CACNA1C: variants seen among roughly 807,000 people sequenced by gnomAD.
CACNA1C encodes the protein voltage-dependent L-type calcium channel subunit alpha-1C.
Under a neutral mutation model 229.0 loss-of-function variants are expected in CACNA1C, and 30 were observed. That is an observed-to-expected ratio of 0.13 (90% CI 0.10 to 0.18). The LOEUF (loss-of-function observed/expected upper bound fraction) is 0.18, where lower values mean the gene tolerates loss of function less well. CACNA1C is among the 10% of genes least tolerant of loss of function. The pLI, the probability that CACNA1C is intolerant of heterozygous loss-of-function variation, is 1.00. For synonymous variants in CACNA1C, 1,114 were observed against 1,132.5 expected (o/e 0.98, Z 0.33); for missense variants, 1,658 against 2,845.0 (o/e 0.58, Z 9.49).
At chr12:2,102,231 G>C (rs1351182433) in intron 1 of CACNA1C, among the ~76,000 whole-genome samples, 1 of 152,152 alleles carries the variant, frequency 6.6e-6, no homozygotes, top group African/African-American at 2.4e-5. Context: ...ACCTTTGAAG[G>C]CCAAATTAAA....
intron 3 of CACNA1C, among the ~76,000 whole-genome samples, chr12:2,315,526 A>G (rs1435742921): frequency 6.6e-6 from 1 of 152,162 alleles, no homozygotes; most frequent in African/African-American, 2.4e-5. Context: ...AATGGGCTCT[A>G]GCAGGCCTTT....
Position 1,996,652 on chromosome 12 carries a change from AAAACAAC to A in CACNA1C, c.139+25456_139+25462del, listed in dbSNP as rs1206644038. Among the ~76,000 whole-genome samples the A allele has an allele frequency of 4.4e-3, 171 of 38,920 alleles. 21 individuals carry two copies. The highest frequency in any genetic ancestry group is 0.026 in the African/African-American group (167 of 6,360). The allele number at this position is 38,920 out of a possible 152,430, so 25.5% of individuals were successfully genotyped here. A position where few individuals can be genotyped will look rare whatever the true frequency, so the allele number is the denominator to read the frequency against. ...AAAAAAAAAAAAAAAAAAAAAAAAA[AAAACAAC>A]AAACTCTTCTAATGTTTTAAAGAAG... On this transcript the variant is annotated intron_variant, in intron 1 of 46. Transcript: ENST00000682462.
rs148406271 is a variant in CACNA1C at position 2,468,962 on chromosome 12, C to T, written c.757+11256C>T. 2.1e-4 allele frequency among the ~76,000 whole-genome samples: 32 copies of T among 152,332 alleles called. No individual in the cohort carries two copies. In the East Asian group the frequency reaches 5.8e-3, roughly 28 times the overall value. On this transcript the variant is annotated intron_variant, in intron 5 of 46. Transcript: ENST00000399655. ...CTCTGAATCATGCGTAATTTTCAGT[C>T]AGCTGACTTCTTGAGCACCCTCTTG...
intron 3 of CACNA1C, among the ~76,000 whole-genome samples, chr12:2,269,216 G>T (rs1385343756): frequency 6.6e-6 from 1 of 152,200 alleles, no homozygotes; most frequent in Non-Finnish European, 1.5e-5. Flanking sequence ...GTCCGGGAGG[G>T]AATGCTCATT....
At position 2,057,749 on chromosome 12, in the gene CACNA1C, C is replaced by G. The variant is rs2055765782; in HGVS notation, c.49+4138C>G. On this transcript the variant is annotated intron_variant, in intron 1 of 46. Transcript: ENST00000399655. Reference sequence around the variant, plus strand: ...TGGAGGAAGCCTTTTGGGTGAATCGCTGAACTTGGTATGGCCAGATGTTAA... The same window carrying G: ...TGGAGGAAGCCTTTTGGGTGAATCGGTGAACTTGGTATGGCCAGATGTTAA... 3.3e-5 allele frequency among the ~76,000 whole-genome samples: 5 copies of G among 152,182 alleles called. 1 individual carries two copies. The South Asian group carries it at 1.0e-3, about 32-fold the overall frequency.
At chr12:2,280,242 C>T (rs1408429355) in intron 3 of CACNA1C, among the ~76,000 whole-genome samples, 187 of 89,214 alleles carry the variant, frequency 2.1e-3, no homozygotes, top group African/African-American at 4.9e-3. Flanking sequence ...CTCTTGAGAC[C>T]TTGCTGTGCT....
chr12:2,482,795 C>A (rs1023537700), intron 5 of CACNA1C, among the ~76,000 whole-genome samples: 7 of 152,160 alleles, frequency 4.6e-5, no homozygotes, highest in African/African-American at 1.7e-4. Flanking sequence ...CTAAGTCTTT[C>A]CCGGACACTT....
chr12:2,444,531 G>A (rs778091520), intron 3 of CACNA1C, among the ~76,000 whole-genome samples: 5 of 152,094 alleles, frequency 3.3e-5, no homozygotes, highest in Middle Eastern at 3.4e-3. Context: ...CACTCTCCTC[G>A]TTCAGCCGTC....
intron 3 of CACNA1C, among the ~76,000 whole-genome samples, chr12:2,142,339 C>CGT (rs2094315192): frequency 6.6e-6 from 1 of 150,944 alleles, no homozygotes; most frequent in Non-Finnish European, 1.5e-5. Flanking sequence ...TCATTACTTA[C>CGT]GTGTGTGTGG....
At chr12:2,095,273 A>G (rs1030691154) in intron 1 of CACNA1C, among the ~76,000 whole-genome samples, 2 of 152,182 alleles carry the variant, frequency 1.3e-5, no homozygotes, top group Non-Finnish European at 2.9e-5. Flanking sequence ...AAGCAGGTCC[A>G]ATTTGTCTTA....
chr12:2,183,173 C>T (rs1395535702), intron 3 of CACNA1C, among the ~76,000 whole-genome samples: 4 of 152,036 alleles, frequency 2.6e-5, no homozygotes, highest in Non-Finnish European at 5.9e-5. Context: ...ATGCCCAGCC[C>T]CCTGACGTGA....
At position 2,318,989 on chromosome 12, in the gene CACNA1C, G is replaced by A. The variant is rs559651105; in HGVS notation, c.478-129987G>A. ...CCTCTAAATCCTCAGGAAAAGGACT[G>A]GGAAGCTCAGAGTTGAGCTCCTTTT... On this transcript the variant is annotated intron_variant, in intron 3 of 46. Transcript: ENST00000399655. Among the ~76,000 whole-genome samples, 125 of 152,144 alleles carry A rather than the reference G, an allele frequency of 8.2e-4. 1 individual carries two copies. Among genetic ancestry groups the A allele is most frequent in the African/African-American group, 2.9e-3 (120 of 41,500 alleles).
chr12:2,247,514 G>A (rs187177783), intron 3 of CACNA1C, among the ~76,000 whole-genome samples: 1 of 152,288 alleles, frequency 6.6e-6, no homozygotes, highest in Non-Finnish European at 1.5e-5. Context: ...GTTTAACACG[G>A]CAATGTGACT....
At chr12:2,047,712 C>A (rs1278490671) in intron 1 of CACNA1C, among the ~76,000 whole-genome samples, 1 of 152,162 alleles carries the variant, frequency 6.6e-6, no homozygotes, top group East Asian at 1.9e-4. Context: ...CAGCTTTGGT[C>A]AGGGAAGTGG....
Position 2,053,525 on chromosome 12 carries a change from T to C in CACNA1C, c.-38T>C, listed in dbSNP as rs760862611. On this transcript the variant is annotated 5_prime_UTR_variant, in exon 1 of 47. Transcript: ENST00000399655. This position sits in a 1 kb window ranked among gnomAD's most constrained non-coding sequence, Gnocchi z 5.8. The stretch of plus-strand genomic sequence containing the variant: ...GGGGGTGTTTTCACATTTCTTCCTC[T>C]TCGTGGCTGCTCCTCCTATTAAAAC... The C allele has an allele frequency of 3.2e-6, 5 of 1,566,408 alleles. No homozygotes were observed.
intron 3 of CACNA1C, among the ~76,000 whole-genome samples, chr12:2,444,146 G>T (rs905626272): frequency 6.6e-6 from 1 of 152,116 alleles, no homozygotes; most frequent in Non-Finnish European, 1.5e-5. Context: ...CATGTCTCTG[G>T]GGATAAGTGG....
At chr12:2,420,141 G>A (rs1012715999) in intron 3 of CACNA1C, among the ~76,000 whole-genome samples, 1 of 151,398 alleles carries the variant, frequency 6.6e-6, no homozygotes, top group African/African-American at 2.4e-5. Context: ...GTGTGTGTGT[G>A]TGTGTGTAGG....
intron 29 of CACNA1C, among the ~76,000 whole-genome samples, chr12:2,631,166 T>C (rs965540254): frequency 2.6e-5 from 4 of 152,182 alleles, no homozygotes; most frequent in African/African-American, 9.7e-5. Context: ...ATCTTAGAGG[T>C]GTTGCAGACC....
intron 9 of CACNA1C, among the ~76,000 whole-genome samples, chr12:2,527,389 G>T (rs2154581083): frequency 6.6e-6 from 1 of 152,290 alleles, no homozygotes; most frequent in Non-Finnish European, 1.5e-5. Context: ...AAGTTGAAAA[G>T]CCTTAATTAT....
Sources: gnomAD v4.1 joint callset for allele counts (sites outside exome capture counted in the v4.1 genomes callset) on GRCh38, gnomAD v4.1.1 for gene constraint, Gnocchi (gnomAD v3.1) non-coding constraint, MANE v1.5 for transcripts, NCBI Gene and HGNC (gene_info 2026-07-23, HGNC 2026-07-21) for gene names.